Variants in THSD4 observed in about 807,000 individuals in gnomAD.
The protein encoded by THSD4 is thrombospondin type-1 domain-containing protein 4.
A neutral mutation model predicts 119.0 loss-of-function variants in THSD4; 69 were observed. That is an observed-to-expected ratio of 0.58 (90% CI 0.48 to 0.71). THSD4 has a LOEUF of 0.71. Ranked by LOEUF, THSD4 falls within the 30% of genes least tolerant of loss-of-function variation. THSD4 has a pLI of 0.00. For synonymous variants in THSD4, 524 were observed against 540.4 expected, an observed-to-expected ratio of 0.97 and a Z score of 0.42; for missense variants, 1,393 against 1,391.1, an observed-to-expected ratio of 1.00 and a Z score of -0.02.
intron 7 of THSD4, among the ~76,000 whole-genome samples, chr15:71,535,951 T>G (rs1444171857): frequency 1.3e-5 from 2 of 152,196 alleles, no homozygotes; most frequent in Non-Finnish European, 2.9e-5. Context: ...CATTTATTTA[T>G]TTTTCCTTTT....
chr15:71,292,770 G>A (rs993764634), intron 6 of THSD4, among the ~76,000 whole-genome samples: 5 of 149,858 alleles, frequency 3.3e-5, no homozygotes, highest in Non-Finnish European at 5.9e-5. Flanking sequence ...TCCGCCTCCC[G>A]GGTTCACACC....
At chr15:71,395,908 A>AAGAG (rs200140156) in intron 6 of THSD4, among the ~76,000 whole-genome samples, 10,736 of 131,436 alleles carry the variant, frequency 0.082, 506 homozygotes, top group Non-Finnish European at 0.11. Flanking sequence ...CAGTGTTTTG[A>AAGAG]AGAGAGACAC....
chr15:71,582,140 T>C (rs2049571525), intron 7 of THSD4, among the ~76,000 whole-genome samples: 1 of 152,152 alleles, frequency 6.6e-6, no homozygotes, highest in Non-Finnish European at 1.5e-5. Context: ...AATGTAGATC[T>C]TTCTATTTAT....
At chr15:71,682,888 CTTTCTTTCTTTCTTTCTTT>C (rs1567098753) in intron 8 of THSD4, among the ~76,000 whole-genome samples, 1,132 of 7,866 alleles carry the variant, frequency 0.14, 74 homozygotes, top group Middle Eastern at 0.29. Context: ...TTCTTTCTTT[CTTTCTTTCTTTCTTTCTTT>C]CTTCTTCTTC....
At chr15:71,536,533 C>T (rs768838044) in intron 7 of THSD4, among the ~76,000 whole-genome samples, 3 of 152,110 alleles carry the variant, frequency 2.0e-5, no homozygotes, top group Admixed American at 6.5e-5. Context: ...GGGATTAGGA[C>T]GTGGACATCT....
rs1189742669 is a variant in THSD4 at position 71,512,235 on chromosome 15, A to G, written c.1152+100412A>G. On this transcript the variant is annotated intron_variant, in intron 7 of 17. Coordinates refer to ENST00000261862, the MANE Select transcript of THSD4 (RefSeq NM_024817.3). ...TTCCAATGTTTTGAGGGTTAATGCA[A>G]ATCTGTGAAATACGAAACCTCCAGT... Among the ~76,000 whole-genome samples, 3 of 152,130 alleles carry G rather than the reference A, an allele frequency of 2.0e-5. No homozygotes were observed. The East Asian group carries it at 5.8e-4, about 29-fold the overall frequency.
At chr15:71,612,835 G>C (rs1453961275) in intron 7 of THSD4, among the ~76,000 whole-genome samples, 1 of 152,218 alleles carries the variant, frequency 6.6e-6, no homozygotes, top group African/African-American at 2.4e-5. Flanking sequence ...TTGCTTTGCT[G>C]AAGTTTCTGG....
chr15:71,260,169 A>G (rs886522480), intron 6 of THSD4, among the ~76,000 whole-genome samples: 25 of 152,206 alleles, frequency 1.6e-4, no homozygotes, highest in African/African-American at 5.8e-4. Context: ...GTTTTCATGT[A>G]TTACATGTGA....
chr15:71,547,730 G>T, intron 7 of THSD4: 2 of 392,284 alleles, frequency 5.1e-6, no homozygotes, highest in South Asian at 8.8e-5. Context: ...AGTTGCTCTG[G>T]CCTTGGTGAC....
Position 71,782,257 on chromosome 15 carries a change from G to T in THSD4, c.*4883G>T, listed in dbSNP as rs910073805. The T allele has an allele frequency of 2.6e-5, 4 of 151,940 alleles. No individual in the cohort carries two copies. The East Asian group carries it at 5.8e-4, about 22-fold the overall frequency. The allele number at this position is 151,940 out of a possible 1,614,324, so 9.4% of individuals were successfully genotyped here. A position where few individuals can be genotyped will look rare whatever the true frequency, so the allele number is the denominator to read the frequency against. Reference sequence around the variant, plus strand: ...TTTCAGCAGATAATGATGGAGGGGGGGGGTGTCCATCGTGCTGAGGGTGTG... The same window carrying T: ...TTTCAGCAGATAATGATGGAGGGGGTGGGTGTCCATCGTGCTGAGGGTGTG... On this transcript the variant is annotated 3_prime_UTR_variant, in exon 18 of 18. Transcript: ENST00000261862.
chr15:71,361,264 CTG>C (rs1440656730), intron 6 of THSD4, among the ~76,000 whole-genome samples: 2 of 152,200 alleles, frequency 1.3e-5, no homozygotes, highest in Non-Finnish European at 2.9e-5. Flanking sequence ...ACCTACTTCT[CTG>C]TGCCCAGATT....
chr15:71,601,453 A>G (rs561051976), intron 7 of THSD4, among the ~76,000 whole-genome samples: 4 of 152,328 alleles, frequency 2.6e-5, no homozygotes, highest in Non-Finnish European at 4.4e-5. Flanking sequence ...CTGGGTGAGC[A>G]TGTCCAGGCT....
intron 7 of THSD4, among the ~76,000 whole-genome samples, chr15:71,632,775 T>G (rs1542879): frequency 0.4 from 61,394 of 152,156 alleles, 13,246 homozygotes; most frequent in East Asian, 0.63. Context: ...TGCATCTCAT[T>G]TAGGGTCTTG....
intron 15 of THSD4, among the ~76,000 whole-genome samples, chr15:71,760,484 C>T (rs1217455210): frequency 6.6e-6 from 1 of 152,172 alleles, no homozygotes; most frequent in Admixed American, 6.5e-5. Context: ...TCTTTTTCTA[C>T]TCTGGAGGCA....
chr15:71,451,237 C>T (rs1380641620), intron 7 of THSD4, among the ~76,000 whole-genome samples: 1 of 152,108 alleles, frequency 6.6e-6, no homozygotes, highest in African/African-American at 2.4e-5. Context: ...GAGGGTGAGT[C>T]AGGGAACTGT....
chr15:71,711,275 T>G (rs1036509811), intron 8 of THSD4, among the ~76,000 whole-genome samples: 5 of 151,888 alleles, frequency 3.3e-5, no homozygotes, highest in African/African-American at 4.8e-5. Context: ...AAACCGAAGG[T>G]ACAGAAAATT....
intron 8 of THSD4, among the ~76,000 whole-genome samples, chr15:71,685,772 A>G (rs1157636587): frequency 6.6e-6 from 1 of 152,118 alleles, no homozygotes; most frequent in African/African-American, 2.4e-5. Flanking sequence ...GTTAGTTGCA[A>G]TGGGAAATCT....
chr15:71,627,902 A>T (rs899544719), intron 7 of THSD4, among the ~76,000 whole-genome samples: 2 of 152,102 alleles, frequency 1.3e-5, no homozygotes, highest in Non-Finnish European at 2.9e-5. Context: ...CCAGCAGACT[A>T]TGTTTTCAGG....
intron 7 of THSD4, among the ~76,000 whole-genome samples, chr15:71,433,068 A>G (rs1566980705): frequency 1.3e-5 from 2 of 151,806 alleles, no homozygotes; most frequent in African/African-American, 2.4e-5. Flanking sequence ...GTACCAAAAC[A>G]TTTTATAAAT....
Sources: gnomAD v4.1 joint callset for allele counts (sites outside exome capture counted in the v4.1 genomes callset) on GRCh38, gnomAD v4.1.1 for gene constraint, MANE v1.5 for transcripts, NCBI Gene and HGNC (gene_info 2026-07-23, HGNC 2026-07-21) for gene names.